The following LRRC72 variants were observed in gnomAD, a reference collection of about 807,000 sequenced individuals.
LRRC72 encodes leucine-rich repeat-containing protein 72.
A neutral mutation model predicts 35.8 loss-of-function variants in LRRC72; 41 were observed. That is an observed-to-expected ratio of 1.15 (90% CI 0.89 to 1.49). The LOEUF (loss-of-function observed/expected upper bound fraction) is 1.49. Ranked by LOEUF, LRRC72 falls within the 40% of genes most tolerant of loss-of-function variation. The pLI is 0.00. For synonymous variants in LRRC72, 118 were observed against 119.2 expected, an observed-to-expected ratio of 0.99 and a Z score of 0.07; for missense variants, 389 against 330.7, an observed-to-expected ratio of 1.18 and a Z score of -1.37.
chr7:16,556,594 CTG>C (rs1039177778), intron 3 of LRRC72, among the ~76,000 whole-genome samples: 1 of 152,120 alleles, frequency 6.6e-6, no homozygotes, highest in African/African-American at 2.4e-5. Context: ...CATGGCTAAA[CTG>C]AGATCTGTTT....
chr7:16,569,094 A>G (rs567951092), intron 7 of LRRC72, among the ~76,000 whole-genome samples: 1 of 152,298 alleles, frequency 6.6e-6, no homozygotes, highest in African/African-American at 2.4e-5. Flanking sequence ...ATATTCTGCT[A>G]TATTTACCGC....
chr7:16,574,400 A>T (rs1218319435), intron 7 of LRRC72, among the ~76,000 whole-genome samples: 2 of 152,224 alleles, frequency 1.3e-5, no homozygotes, highest in African/African-American at 4.8e-5. Flanking sequence ...GAACCAACCC[A>T]AATGCCCATC....
chr7:16,551,218 G>A (rs533707730), intron 3 of LRRC72, among the ~76,000 whole-genome samples: 1 of 152,218 alleles, frequency 6.6e-6, no homozygotes, highest in African/African-American at 2.4e-5. Flanking sequence ...AGAACCAAAT[G>A]GCCACCTACG....
chr7:16,575,609 T>C (rs899632541), intron 7 of LRRC72, among the ~76,000 whole-genome samples: 22 of 152,232 alleles, frequency 1.4e-4, no homozygotes, highest in Non-Finnish European at 7.3e-5. Context: ...TTATGCTTGA[T>C]ATGTAAAACA....
At chr7:16,562,191 C>T (rs948680880) in intron 5 of LRRC72, among the ~76,000 whole-genome samples, 32 of 152,146 alleles carry the variant, frequency 2.1e-4, no homozygotes, top group Non-Finnish European at 4.3e-4. Flanking sequence ...GGGGCCCCAC[C>T]TCTTCTCTCT....
chr7:16,568,405 T>C (rs1562751986), intron 7 of LRRC72, among the ~76,000 whole-genome samples: 1 of 151,982 alleles, frequency 6.6e-6, no homozygotes, highest in Non-Finnish European at 1.5e-5. Flanking sequence ...GAAATTGAAT[T>C]AAAAAATAGT....
rs116570180 is a variant in LRRC72 at position 16,548,506 on chromosome 7, A to G, written c.235-8854A>G. On this transcript the variant is annotated intron_variant, in intron 3 of 8. Transcript: ENST00000401542. ...TGGTTCCTGGCATCTTCAAGCTTCT[A>G]GGCACCACACTGCATTCCCCAGTGT... Among the ~76,000 whole-genome samples, 382 of 152,314 alleles carry G rather than the reference A, an allele frequency of 2.5e-3. 1 individual carries two copies. Among genetic ancestry groups the G allele is most frequent in the African/African-American group, 8.8e-3 (365 of 41,566 alleles).
intron 3 of LRRC72, among the ~76,000 whole-genome samples, chr7:16,552,358 T>C (rs1372757015): frequency 6.6e-6 from 1 of 151,724 alleles, no homozygotes; most frequent in African/African-American, 2.4e-5. Context: ...ATAGTTTACC[T>C]CTGGAACACG....
chr7:16,560,686 T>C (rs974091232), intron 5 of LRRC72, among the ~76,000 whole-genome samples: 1 of 128,620 alleles, frequency 7.8e-6, no homozygotes, highest in Non-Finnish European at 1.8e-5. Flanking sequence ...GATAACTCTG[T>C]TTTTTTTTTT....
At position 16,526,987 on chromosome 7, in the gene LRRC72, T is replaced by G; in HGVS notation, c.35T>G (p.Leu12Trp). The part of the protein sequence containing the change: ...SWDPNPVPRT[L>W]RCWRLRRASE... ...GACCCGAACCCCGTGCCCCGTACCT[T>G]GCGATGCTGGCGCCTACGGAGGGCA... The change falls in exon 1 of 9, where the codon TTG becomes TGG. Residue 12 changes from leucine (L) to tryptophan (W), a missense_variant. Physicochemically the swap from Leu to Trp is moderately conservative, Grantham distance 61 (BLOSUM62 -2). Coordinates refer to ENST00000401542, the MANE Select transcript of LRRC72 (RefSeq NM_001195280.2). 6.5e-7 allele frequency: 1 copy of G among 1,540,120 alleles called. No homozygotes were observed. Among genetic ancestry groups the G allele is most frequent in the South Asian group, 1.2e-5 (1 of 84,062 alleles).
intron 3 of LRRC72, among the ~76,000 whole-genome samples, chr7:16,556,070 T>TAA (rs34275623): frequency 4.6e-4 from 68 of 147,718 alleles, no homozygotes; most frequent in Admixed American, 6.7e-4. Context: ...GAGTCAATAC[T>TAA]AAAAAAAAAA....
chr7:16,534,021 C>G (rs921553281), intron 2 of LRRC72, among the ~76,000 whole-genome samples: 1 of 152,094 alleles, frequency 6.6e-6, no homozygotes, highest in African/African-American at 2.4e-5. Context: ...GATAATTAAT[C>G]GACTCCTTGT....
Position 16,559,266 on chromosome 7 carries a change from T to C in LRRC72, c.427+267T>C, listed in dbSNP as rs933762407. Among the ~76,000 whole-genome samples, 3 of 151,892 alleles carry C rather than the reference T, an allele frequency of 2.0e-5. No homozygotes were observed. The East Asian group carries it at 5.8e-4, about 29-fold the overall frequency. On this transcript the variant is annotated intron_variant, in intron 5 of 8. Transcript: ENST00000401542. ...AAAATTAGCCAGGCCTGGTGGCGTATGCCTGTAATCCCAGCTACTTGAGAG... is the reference window on the plus strand; with the variant it reads ...AAAATTAGCCAGGCCTGGTGGCGTACGCCTGTAATCCCAGCTACTTGAGAG...
At position 16,557,431 on chromosome 7, in the gene LRRC72, T is replaced by C; in HGVS notation, c.306T>C (p.Phe102=). The C allele has an allele frequency of 7.9e-7, 1 of 1,257,974 alleles. No individual in the cohort carries two copies. Among genetic ancestry groups the C allele is most frequent in the Non-Finnish European group, 1.0e-6 (1 of 956,694 alleles). 77.9% of individuals were successfully genotyped at this position (1,257,974 alleles called of 1,614,324 possible). The change falls in exon 4 of 9, where the codon TTT becomes TTC. Residue 102 remains phenylalanine, a synonymous_variant. Coordinates refer to ENST00000401542, the MANE Select transcript of LRRC72 (RefSeq NM_001195280.2). The part of the protein sequence containing the change: ...TELYLNNNAI[F]EIEGLHYLPS... ...TATATCTAAACAACAATGCAATATT[T>C]GAGATAGAAGGTACGTCTTAAATTC...
chr7:16,562,232 C>A (rs1337459192), intron 5 of LRRC72, among the ~76,000 whole-genome samples: 1 of 152,164 alleles, frequency 6.6e-6, no homozygotes, highest in African/African-American at 2.4e-5. Context: ...CCCTCTCTTT[C>A]TAGCTCAGTT....
At chr7:16,542,968 C>T (rs1184493215) in intron 3 of LRRC72, among the ~76,000 whole-genome samples, 1 of 152,056 alleles carries the variant, frequency 6.6e-6, no homozygotes, top group Non-Finnish European at 1.5e-5. Flanking sequence ...ATTTCATACC[C>T]AAAACAGCTT....
intron 3 of LRRC72, among the ~76,000 whole-genome samples, chr7:16,540,680 T>C (rs565604528): frequency 6.6e-6 from 1 of 152,144 alleles, no homozygotes; most frequent in Non-Finnish European, 1.5e-5. Context: ...GTTTCCCTCA[T>C]GCTGTTCTCA....
At chr7:16,529,788 T>G (rs1314343130) in intron 1 of LRRC72, among the ~76,000 whole-genome samples, 1 of 152,262 alleles carries the variant, frequency 6.6e-6, no homozygotes, top group African/African-American at 2.4e-5. Context: ...TCACATTTTT[T>G]GAAATTTGAT....
intron 5 of LRRC72, among the ~76,000 whole-genome samples, chr7:16,564,553 T>C (rs1220817003): frequency 6.6e-6 from 1 of 152,196 alleles, no homozygotes; most frequent in Non-Finnish European, 1.5e-5. Flanking sequence ...TTTTCTCCAT[T>C]ACTTACATAT....
Sources: gnomAD v4.1 joint callset for allele counts (sites outside exome capture counted in the v4.1 genomes callset) on GRCh38, gnomAD v4.1.1 for gene constraint, MANE v1.5 for transcripts, NCBI Gene and HGNC (gene_info 2026-07-23, HGNC 2026-07-21) for gene names.